SMAD2: variants seen among roughly 807,000 people sequenced by gnomAD.
SMAD2 encodes the protein SMAD family member 2, also known as MAD homolog 2.
SMAD2 carries 8 observed loss-of-function variants against 64.4 expected under a neutral mutation model. The ratio of observed to expected loss-of-function variants is 0.12; its 90% CI spans 0.07 to 0.22. SMAD2 has a LOEUF of 0.22. SMAD2 is among the 10% of genes least tolerant of loss of function. SMAD2 has a pLI of 1.00. For missense variants in SMAD2, 289 were observed against 561.2 expected (o/e 0.51, Z 4.90); for synonymous variants, 203 against 195.8 (o/e 1.04, Z -0.31).
At chr18:47,865,184 C>G (rs1402061446) in intron 5 of SMAD2, 51 bp from the exon 6 acceptor site, 1 of 942,138 alleles carries the variant, frequency 1.1e-6, no homozygotes, top group African/African-American at 1.6e-5. Context: ...ATCTCACTAC[C>G]TTTTCTCTCA....
intron 1 of SMAD2, among the ~76,000 whole-genome samples, chr18:47,916,406 ATTTATTTTGTTTTG>A (rs2034337738): frequency 6.6e-6 from 1 of 151,328 alleles, no homozygotes; most frequent in East Asian, 1.9e-4. Context: ...ATATTTATTT[ATTTATTTTGTTTTG>A]TTTTGTTTTG....
intron 2 of SMAD2, among the ~76,000 whole-genome samples, chr18:47,876,887 T>C (rs941373762): frequency 2.6e-5 from 4 of 152,122 alleles, no homozygotes; most frequent in Non-Finnish European, 4.4e-5. Flanking sequence ...GTCAATTTAC[T>C]ACTTTTTTTG....
rs1246315337 is a variant in SMAD2, at chr18:47,848,680, C to T, written c.792G>A (p.Gln264=). ...ATGCAGGTTCTGAGTAAGTAACTGG[C>T]TGTAAATCTGAAAAAGAAAAAAATA... The part of the protein sequence containing the change: ...LSPVNHSLDL[Q]PVTYSEPAFW... Residue 264 remains glutamine, a synonymous_variant, in exon 8 of 11, where the codon CAG becomes CAA. Coordinates refer to ENST00000262160, the MANE Select transcript of SMAD2 (RefSeq NM_005901.6). 4.4e-6 allele frequency: 7 copies of T among 1,608,298 alleles called. No individual in the cohort carries two copies. Among genetic ancestry groups the T allele is most frequent in the Non-Finnish European group, 6.0e-6 (7 of 1,176,132 alleles).
chr18:47,866,352 A>G (rs1011487850), intron 5 of SMAD2, among the ~76,000 whole-genome samples: 5 of 151,118 alleles, frequency 3.3e-5, no homozygotes, highest in Admixed American at 1.3e-4. Context: ...GAGGAAGAGA[A>G]GATACAGGTT....
In SMAD2 at chr18:47,817,180, CAG is replaced by C. The variant is rs1568013147; in HGVS notation, c.*24645_*24646del. 6.6e-6 allele frequency: 1 copy of C among 152,244 alleles called. No individual in the cohort carries two copies. Among genetic ancestry groups the C allele is most frequent in the Non-Finnish European group, 1.5e-5 (1 of 68,062 alleles). The allele number at this position is 152,244 out of a possible 1,614,324, so 9.4% of individuals were successfully genotyped here. ...GTAGAACCTGAAGTAGGACACATTTCAGAGAGAAGTGGTGATCTCAGAATCAG... is the reference window on the plus strand; with the variant it reads ...GTAGAACCTGAAGTAGGACACATTTCAGAGAAGTGGTGATCTCAGAATCAG... On this transcript the variant is annotated 3_prime_UTR_variant, in exon 11 of 11. Coordinates refer to ENST00000262160, the MANE Select transcript of SMAD2 (RefSeq NM_005901.6).
In SMAD2 at chr18:47,832,707, T is replaced by G. The variant is rs1913047965; in HGVS notation, c.*9120A>C. The G allele has an allele frequency of 6.6e-6, 1 of 152,192 alleles. No individual in the cohort carries two copies. Among genetic ancestry groups the G allele is most frequent in the South Asian group, 2.1e-4 (1 of 4,834 alleles). The allele number at this position is 152,192 out of a possible 1,614,324, so 9.4% of individuals were successfully genotyped here. A position where few individuals can be genotyped will look rare whatever the true frequency, so the allele number is the denominator to read the frequency against. ...CAATGGAGCCTTAAAAATGTTATTT[T>G]GTTAAAAGTATATTTCAGCAAATTT... On this transcript the variant is annotated 3_prime_UTR_variant, in exon 11 of 11. Coordinates refer to ENST00000262160, the MANE Select transcript of SMAD2 (RefSeq NM_005901.6).
intron 1 of SMAD2, among the ~76,000 whole-genome samples, chr18:47,920,859 A>C (rs1157505515): frequency 3.3e-5 from 5 of 152,232 alleles, no homozygotes; most frequent in Non-Finnish European, 5.9e-5. Flanking sequence ...GACTGATGAT[A>C]TATTCAGACA....
chr18:47,845,630 A>G (rs373582634), intron 9 of SMAD2, 33 bp downstream of exon 9: 210 of 1,612,122 alleles, frequency 1.3e-4, no homozygotes, highest in Non-Finnish European at 1.7e-4. Flanking sequence ...GCAAGTTGAC[A>G]TGATAGGTTT....
chr18:47,908,891 T>C (rs2034012012), intron 1 of SMAD2, among the ~76,000 whole-genome samples: 1 of 152,184 alleles, frequency 6.6e-6, no homozygotes, highest in Non-Finnish European at 1.5e-5. Flanking sequence ...CCTTGACTAA[T>C]ACCATGAGAT....
chr18:47,842,026 C>T (rs766459158), intron 10 of SMAD2, 76 bp from the exon 11 acceptor site: 3 of 1,488,564 alleles, frequency 2.0e-6, no homozygotes, highest in South Asian at 1.1e-5. Flanking sequence ...TTTAGGTACA[C>T]TGCATTAAAA....
intron 8 of SMAD2, among the ~76,000 whole-genome samples, chr18:47,847,283 G>A (rs985200862): frequency 1.3e-5 from 2 of 152,068 alleles, no homozygotes; most frequent in Admixed American, 6.6e-5. Context: ...TTGGAACCAA[G>A]TAATAGATCT....
rs902583851 is a variant in SMAD2 at position 47,831,714 on chromosome 18, C to T, written c.*10113G>A. On this transcript the variant is annotated 3_prime_UTR_variant, in exon 11 of 11. Coordinates refer to ENST00000262160, the MANE Select transcript of SMAD2 (RefSeq NM_005901.6). ...GCTAAGTCTGATTCAATGTTCTTGC[C>T]TTCTATTAATGTGATTTTAAGAATT... The T allele has an allele frequency of 2.0e-5, 3 of 152,138 alleles. No homozygotes were observed. Among genetic ancestry groups the T allele is most frequent in the Non-Finnish European group, 4.4e-5 (3 of 68,038 alleles). 9.4% of individuals were successfully genotyped at this position (152,138 alleles called of 1,614,324 possible).
In SMAD2 at chr18:47,845,703, T is replaced by C; in HGVS notation, c.1095A>G (p.Arg365=). 6.2e-7 allele frequency: 1 copy of C among 1,613,916 alleles called. No homozygotes were observed. Among genetic ancestry groups the C allele is most frequent in the Non-Finnish European group, 8.5e-7 (1 of 1,179,876 alleles). Residue 365 remains arginine (R), a synonymous_variant, in exon 9 of 11, where the codon AGA becomes AGG. Coordinates refer to ENST00000262160, the MANE Select transcript of SMAD2 (RefSeq NM_005901.6). ...IFVQSPNCNQ[R]YGWHPATVCK... ...ACACTGTTGCAGGGTGCCAGCCATA[T>C]CTCTGATTACAATTGGGGCTCTGCA...
chr18:47,848,385 G>T, intron 8 of SMAD2, 90 bp downstream of exon 8: 2 of 1,002,770 alleles, frequency 2.0e-6, no homozygotes, highest in African/African-American at 1.6e-5. Context: ...TGGTTTTACT[G>T]CACACAAGCT....
In SMAD2 at chr18:47,812,330, G is replaced by C. The variant is rs1043395042; in HGVS notation, c.*29497C>G. On this transcript the variant is annotated 3_prime_UTR_variant, in exon 11 of 11. Coordinates refer to ENST00000262160, the MANE Select transcript of SMAD2 (RefSeq NM_005901.6). ...CCTTCACCTTCTGCCATAATTGTGA[G>C]GCCTCCCCAGCCATGTAAAACTGTG... The C allele has an allele frequency of 6.6e-6, 1 of 152,138 alleles. No homozygotes were observed. Among genetic ancestry groups the C allele is most frequent in the South Asian group, 2.1e-4 (1 of 4,820 alleles). The allele number at this position is 152,138 out of a possible 1,614,324, so 9.4% of individuals were successfully genotyped here. A position where few individuals can be genotyped will look rare whatever the true frequency, so the allele number is the denominator to read the frequency against.
chr18:47,865,887 T>G (rs2031516647), intron 5 of SMAD2, among the ~76,000 whole-genome samples: 1 of 152,144 alleles, frequency 6.6e-6, no homozygotes, highest in African/African-American at 2.4e-5. Context: ...AATAAAAACA[T>G]GTATACAATT....
rs976157845 is a variant in SMAD2, at chr18:47,829,028, G to C, written c.*12799C>G. ...GGGTGGAGAAAAGTATCACAATTTTGGTAATACTAGGCAAGATGTAACCTC... is the reference window on the plus strand; with the variant it reads ...GGGTGGAGAAAAGTATCACAATTTTCGTAATACTAGGCAAGATGTAACCTC... On this transcript the variant is annotated 3_prime_UTR_variant, in exon 11 of 11. Transcript: ENST00000262160. 2 of 143,262 alleles carry C rather than the reference G, an allele frequency of 1.4e-5. No homozygotes were observed. Among genetic ancestry groups the C allele is most frequent in the African/African-American group, 2.6e-5 (1 of 39,094 alleles). The allele number at this position is 143,262 out of a possible 1,614,324, so 8.9% of individuals were successfully genotyped here.
intron 2 of SMAD2, among the ~76,000 whole-genome samples, chr18:47,885,136 C>CAT (rs1568082330): frequency 2.5e-5 from 1 of 40,030 alleles, no homozygotes; most frequent in African/African-American, 1.9e-4. Context: ...GTCATATACA[C>CAT]ACACACACAC....
At position 47,916,471 on chromosome 18, in the gene SMAD2, C is replaced by T. The variant is rs539524527; in HGVS notation, c.-54+13890G>A. ...TCACTCTGTCGCCCAGGCTGGAGTG[C>T]AGTGGCACGATCTTGTCTCACTGCA... On this transcript the variant is annotated intron_variant, in intron 1 of 10. Coordinates refer to ENST00000262160, the MANE Select transcript of SMAD2 (RefSeq NM_005901.6). 6.6e-5 allele frequency among the ~76,000 whole-genome samples: 10 copies of T among 152,184 alleles called. No homozygotes were observed. The South Asian group carries it at 1.9e-3, about 28-fold the overall frequency.
Sources: allele counts gnomAD v4.1 joint callset (sites outside exome capture counted in the v4.1 genomes callset), GRCh38; gene constraint gnomAD v4.1.1; transcripts MANE v1.5; gene names NCBI Gene and HGNC (gene_info 2026-07-23, HGNC 2026-07-21).